Variants in CCDC69 observed in about 807,000 individuals in gnomAD.
CCDC69 encodes coiled-coil domain-containing protein 69.
CCDC69 carries 38 observed loss-of-function variants against 40.3 expected under a neutral mutation model. That is an observed-to-expected ratio of 0.94 (90% CI 0.73 to 1.24). The LOEUF (loss-of-function observed/expected upper bound fraction) is 1.24. CCDC69 is among the 50% of genes most tolerant of loss of function. The pLI, the probability that CCDC69 is intolerant of heterozygous loss-of-function variation, is 0.00. For synonymous variants in CCDC69, 141 were observed against 138.9 expected (o/e 1.02, Z -0.11); for missense variants, 389 against 357.9 (o/e 1.09, Z -0.70).
intron 5 of CCDC69, among the ~76,000 whole-genome samples, chr5:151,186,454 AAGG>A (rs1395737328): frequency 1.3e-5 from 2 of 151,232 alleles, no homozygotes; most frequent in African/African-American, 2.4e-5. Context: ...AGGGAGGGAG[AAGG>A]AGAAGGAGAG....
At chr5:151,216,563 C>T (rs1165463537) in intron 1 of CCDC69, among the ~76,000 whole-genome samples, 6 of 151,612 alleles carry the variant, frequency 4.0e-5, no homozygotes, top group Non-Finnish European at 7.4e-5. Flanking sequence ...ATTACAGGCA[C>T]GTGCCACACG....
intron 1 of CCDC69, among the ~76,000 whole-genome samples, chr5:151,212,454 T>C (rs2114001249): frequency 6.6e-6 from 1 of 152,110 alleles, no homozygotes; most frequent in East Asian, 1.9e-4. Flanking sequence ...CTGCAGTAGG[T>C]TCAACCTGAA....
intron 5 of CCDC69, among the ~76,000 whole-genome samples, chr5:151,187,125 C>T (rs1337352293): frequency 1.3e-5 from 2 of 152,222 alleles, no homozygotes; most frequent in African/African-American, 2.4e-5. Context: ...TCTAATCACA[C>T]TGTGGCACTT....
intron 1 of CCDC69, among the ~76,000 whole-genome samples, chr5:151,223,679 G>A (rs1434132175): frequency 6.6e-6 from 1 of 152,192 alleles, no homozygotes; most frequent in African/African-American, 2.4e-5. Context: ...GAGGCAGCGG[G>A]AATCAGCTGC....
chr5:151,199,255 C>T (rs1284128971), intron 3 of CCDC69, among the ~76,000 whole-genome samples, 171 bp from the exon 4 acceptor site: 1 of 152,158 alleles, frequency 6.6e-6, no homozygotes, highest in Non-Finnish European at 1.5e-5. Context: ...ACACAGCAAG[C>T]GTGGCAGAAT....
chr5:151,208,294 T>A (rs10060349), intron 1 of CCDC69, among the ~76,000 whole-genome samples: 1 of 152,138 alleles, frequency 6.6e-6, no homozygotes, highest in Non-Finnish European at 1.5e-5. Flanking sequence ...ATGAAGAGGC[T>A]ATGAAAATGT....
At chr5:151,183,743 T>C (rs1766679076) in intron 8 of CCDC69, 129 bp from the exon 9 acceptor site, 1 of 766,098 alleles carries the variant, frequency 1.3e-6, no homozygotes, top group East Asian at 2.7e-5. Flanking sequence ...CCCTCCTTGT[T>C]GGCCTGTATA....
Position 151,183,430 on chromosome 5 carries a change from C to G in CCDC69, c.*7G>C. 1 of 1,598,014 alleles carries G rather than the reference C, an allele frequency of 6.3e-7. No individual in the cohort carries two copies. The highest frequency in any genetic ancestry group is 8.5e-7 in the Non-Finnish European group (1 of 1,173,856). Reference sequence around the variant, plus strand: ...TCAGGCGTCGTGGTGGGCCCAGGCCCTGCACCCTATGTGGCGAGGAAAGAG... The same window carrying G: ...TCAGGCGTCGTGGTGGGCCCAGGCCGTGCACCCTATGTGGCGAGGAAAGAG... On this transcript the variant is annotated 3_prime_UTR_variant, in exon 9 of 9. Coordinates refer to ENST00000355417, the MANE Select transcript of CCDC69 (RefSeq NM_015621.3).
intron 4 of CCDC69, among the ~76,000 whole-genome samples, chr5:151,192,249 G>A (rs2113987776): frequency 6.6e-6 from 1 of 151,396 alleles, no homozygotes; most frequent in East Asian, 1.9e-4. Flanking sequence ...GAAACCAAAA[G>A]CTGGTTCTTT....
chr5:151,205,331 A>C (rs1752837720), intron 2 of CCDC69, 69 bp downstream of exon 2: 3 of 1,180,868 alleles, frequency 2.5e-6, no homozygotes, highest in Non-Finnish European at 3.8e-6. Flanking sequence ...CAGCTGTATC[A>C]TCTGTGTTGA....
chr5:151,191,665 C>T (rs1401419135), intron 4 of CCDC69, among the ~76,000 whole-genome samples: 1 of 151,982 alleles, frequency 6.6e-6, no homozygotes, highest in Non-Finnish European at 1.5e-5. Flanking sequence ...TTGAACTCAA[C>T]AAAATGAAAA....
chr5:151,208,972 C>T (rs1370890563), intron 1 of CCDC69, among the ~76,000 whole-genome samples: 6 of 152,122 alleles, frequency 3.9e-5, no homozygotes, highest in South Asian at 2.1e-4. Flanking sequence ...TCACTACAGG[C>T]GAGGAAACTG....
rs954114979 is a variant in CCDC69 at position 151,205,428 on chromosome 5, A to G, written c.96T>C (p.His32=). ...EPEQPPRPEP[H]ELGPLNGDTA... The stretch of plus-strand genomic sequence containing the variant: ...TGTCCCCATTGAGGGGACCTAATTC[A>G]TGGGGCTCTGGTCTGGGTGGCTGTT... Residue 32 remains histidine (H), a synonymous_variant, in exon 2 of 9, where the codon CAT becomes CAC. Coordinates refer to ENST00000355417, the MANE Select transcript of CCDC69 (RefSeq NM_015621.3). 1 of 1,614,026 alleles carries G rather than the reference A, an allele frequency of 6.2e-7. No homozygotes were observed. The highest frequency in any genetic ancestry group is 1.7e-5 in the Admixed American group (1 of 60,004).
In CCDC69 at chr5:151,181,638, T is replaced by C. The variant is rs1007480583; in HGVS notation, c.*1799A>G. 1 of 152,240 alleles carries C rather than the reference T, an allele frequency of 6.6e-6. No individual in the cohort carries two copies. Among genetic ancestry groups the C allele is most frequent in the Non-Finnish European group, 1.5e-5 (1 of 68,068 alleles). 9.4% of individuals were successfully genotyped at this position (152,240 alleles called of 1,614,324 possible). ...AGAGGCTGGATACTTAGCTCCCTTC[T>C]TGTAAGTTTGCCACACACATTGGCA... On this transcript the variant is annotated 3_prime_UTR_variant, in exon 9 of 9. Coordinates refer to ENST00000355417, the MANE Select transcript of CCDC69 (RefSeq NM_015621.3).
At chr5:151,193,577 GAAGA>G (rs1752653255) in intron 4 of CCDC69, among the ~76,000 whole-genome samples, 1 of 151,738 alleles carries the variant, frequency 6.6e-6, no homozygotes, top group Middle Eastern at 3.4e-3. Flanking sequence ...GAGGAAGAAA[GAAGA>G]AAGAGAGAGA....
intron 6 of CCDC69, 115 bp downstream of exon 6, chr5:151,185,908 G>A (rs1206297969): frequency 2.7e-6 from 2 of 742,232 alleles, no homozygotes; most frequent in African/African-American, 1.7e-5. Context: ...CCTTGTGTAG[G>A]TAAGAGTGCC....
chr5:151,201,121 C>T (rs1007631532), intron 3 of CCDC69, among the ~76,000 whole-genome samples: 1 of 152,126 alleles, frequency 6.6e-6, no homozygotes, highest in Non-Finnish European at 1.5e-5. Context: ...GGATAATCAC[C>T]CAGAGATCAG....
At chr5:151,203,608 ATATATATT>A (rs1752807183) in intron 2 of CCDC69, among the ~76,000 whole-genome samples, 2 of 140,594 alleles carry the variant, frequency 1.4e-5, no homozygotes, top group African/African-American at 5.4e-5. Context: ...ATTAGTAAAT[ATATATATT>A]TAGTTATATA....
At chr5:151,190,115 G>A (rs941227700) in intron 4 of CCDC69, among the ~76,000 whole-genome samples, 1 of 152,160 alleles carries the variant, frequency 6.6e-6, no homozygotes, top group Admixed American at 6.5e-5. Flanking sequence ...TGAAACCAGA[G>A]GGAAACTTGA....
Sources: gnomAD v4.1 joint callset for allele counts (sites outside exome capture counted in the v4.1 genomes callset) on GRCh38, gnomAD v4.1.1 for gene constraint, MANE v1.5 for transcripts, NCBI Gene and HGNC (gene_info 2026-07-23, HGNC 2026-07-21) for gene names.